FRA10AC1: variants seen among roughly 807,000 people sequenced by gnomAD.
FRA10AC1 encodes the protein protein FRA10AC1.
FRA10AC1 carries 43 observed loss-of-function variants against 56.5 expected under a neutral mutation model. The observed-to-expected ratio is 0.76, with a 90% confidence interval of 0.60 to 0.98. The LOEUF (loss-of-function observed/expected upper bound fraction) is 0.98. Among genes scored for constraint, FRA10AC1 ranks in the 50% least tolerant of loss-of-function variants. The pLI is 0.00. For synonymous variants in FRA10AC1, 112 were observed against 110.5 expected (o/e 1.01, Z -0.09); for missense variants, 346 against 351.8 (o/e 0.98, Z 0.13).
At chr10:93,671,873 T>C (rs1270091992) in intron 12 of FRA10AC1, 2 of 348,260 alleles carry the variant, frequency 5.7e-6, no homozygotes, top group Non-Finnish European at 5.5e-6. Context: ...ATTTTCAAAT[T>C]GTTTGTATTT....
At chr10:93,693,645 C>CAT (rs1209941579) in intron 5 of FRA10AC1, among the ~76,000 whole-genome samples, 3 of 123,982 alleles carry the variant, frequency 2.4e-5, no homozygotes, top group Non-Finnish European at 3.5e-5. Context: ...ATATACACAC[C>CAT]ATATATATAT....
At chr10:93,686,840 A>G (rs962932832) in intron 8 of FRA10AC1, among the ~76,000 whole-genome samples, 1 of 151,932 alleles carries the variant, frequency 6.6e-6, no homozygotes, top group Non-Finnish European at 1.5e-5. Flanking sequence ...CACAATTTCC[A>G]GGAAAAATTT....
upstream of FRA10AC1, among the ~76,000 whole-genome samples, chr10:93,702,795 A>G (rs1323371198): frequency 6.6e-6 from 1 of 151,700 alleles, no homozygotes; most frequent in Admixed American, 6.6e-5. Flanking sequence ...GGAATCCGGC[A>G]TCTAGTACCG....
rs2059305533 is a variant in FRA10AC1, at chr10:93,700,097, G to A, written c.10C>T (p.His4Tyr). MHG[H>Y]GGYDSDFSDD... ...CTAAAATCAGAATCATAGCCTCCAT[G>A]ACCATGCATCTGTAAAGGAGTACAA... is the stretch of plus-strand genomic sequence containing the variant. The change falls in exon 2 of 14, where the codon CAT (histidine) becomes TAT (tyrosine). Residue 4 changes from histidine to tyrosine, a missense_variant. His to Tyr is a moderately conservative substitution (Grantham distance 83, BLOSUM62 2). Transcript: ENST00000359204. 1 of 1,590,058 alleles carries A rather than the reference G, an allele frequency of 6.3e-7. No homozygotes were observed. The highest frequency in any genetic ancestry group is 1.3e-5 in the African/African-American group (1 of 74,420).
At chr10:93,679,125 G>A (rs1205253065) in intron 11 of FRA10AC1, among the ~76,000 whole-genome samples, 1 of 152,080 alleles carries the variant, frequency 6.6e-6, no homozygotes, top group Non-Finnish European at 1.5e-5. Context: ...TAGAAGTTGG[G>A]GGTAAAAAAG....
At position 93,687,410 on chromosome 10, in the gene FRA10AC1, C is replaced by T. The variant is rs756931045; in HGVS notation, c.505G>A (p.Gly169Arg). The T allele has an allele frequency of 6.6e-7, 1 of 1,507,892 alleles. No individual in the cohort carries two copies. The highest frequency in any genetic ancestry group is 1.2e-5 in the South Asian group (1 of 81,954). 93.4% of individuals were successfully genotyped at this position (1,507,892 alleles called of 1,614,324 possible). Residue 169 changes from glycine (G) to arginine (R), a missense_variant, in exon 8 of 14, where the codon GGA (glycine) becomes AGA (arginine). Coordinates refer to ENST00000359204, the MANE Select transcript of FRA10AC1 (RefSeq NM_145246.5). Reference protein sequence around the residue: ...RWRVEKEVISGKGQFFCGNKY... With the variant: ...RWRVEKEVISRKGQFFCGNKY... ...AAAAATTTTAAAGAATTACCTTTTCCTGAAATTACTTCTTTTTCTACTCGC... is the reference window on the plus strand; with the variant it reads ...AAAAATTTTAAAGAATTACCTTTTCTTGAAATTACTTCTTTTTCTACTCGC...
intron 6 of FRA10AC1, 88 bp from the exon 7 acceptor site, chr10:93,692,181 A>C: frequency 1.2e-6 from 1 of 860,992 alleles, no homozygotes; most frequent in Non-Finnish European, 1.7e-6. Flanking sequence ...TACATACTAC[A>C]TAAATATTAA....
intron 4 of FRA10AC1, among the ~76,000 whole-genome samples, chr10:93,695,404 A>G (rs957319876): frequency 3.3e-5 from 5 of 151,838 alleles, no homozygotes; most frequent in African/African-American, 7.2e-5. Context: ...AATTATATTT[A>G]TAATTTATAA....
At chr10:93,691,572 A>G (rs1415521801) in intron 7 of FRA10AC1, among the ~76,000 whole-genome samples, 1 of 152,252 alleles carries the variant, frequency 6.6e-6, no homozygotes, top group East Asian at 1.9e-4. Context: ...TTACTAGAAT[A>G]GACATTTATG....
rs2059133598 is a variant in FRA10AC1 at position 93,692,097 on chromosome 10, G to C, written c.381-4C>G. 6.7e-7 allele frequency: 1 copy of C among 1,487,242 alleles called. No individual in the cohort carries two copies. The highest frequency in any genetic ancestry group is 1.4e-5 in the South Asian group (1 of 69,830). The allele number at this position is 1,487,242 out of a possible 1,614,324, so 92.1% of individuals were successfully genotyped here. Reference sequence around the variant, plus strand: ...TTTCTTAGCAAGTCTCTTCTCCCTAGACCCATGAAAATATAAATATTATAC... The same window carrying C: ...TTTCTTAGCAAGTCTCTTCTCCCTACACCCATGAAAATATAAATATTATAC... On this transcript the variant is annotated splice_region_variant and splice_polypyrimidine_tract_variant and intron_variant, in intron 6 of 13. Transcript: ENST00000359204.
chr10:93,695,816 T>A (rs922015005), intron 4 of FRA10AC1, among the ~76,000 whole-genome samples: 1 of 152,080 alleles, frequency 6.6e-6, no homozygotes, highest in Non-Finnish European at 1.5e-5. Context: ...ACTGGTCACA[T>A]GACCATGGCA....
intron 5 of FRA10AC1, 50 bp downstream of exon 5, chr10:93,694,809 TAA>T (rs940156931): frequency 2.0e-6 from 2 of 1,017,574 alleles, no homozygotes; most frequent in Non-Finnish European, 3.1e-6. Context: ...TGTGGGTCTT[TAA>T]AGTTTCCCAT....
At chr10:93,682,593 G>T (rs1326225) in intron 10 of FRA10AC1, among the ~76,000 whole-genome samples, 6,563 of 152,184 alleles carry the variant, frequency 0.043, 444 homozygotes, top group African/African-American at 0.15. Context: ...TTGAGTCCAG[G>T]AGTTTGAGAC....
chr10:93,669,624 T>C lies in FRA10AC1; in HGVS notation c.*202A>G. ...TTGTAGATAAGCAATTGAAAAGATA[T>C]TTAAAGGACAGGAAAGTCTTTAATT... On this transcript the variant is annotated 3_prime_UTR_variant, in exon 14 of 14. Coordinates refer to ENST00000359204, the MANE Select transcript of FRA10AC1 (RefSeq NM_145246.5). 7.3e-6 allele frequency: 4 copies of C among 546,910 alleles called. No homozygotes were observed. The allele number at this position is 546,910 out of a possible 1,614,324, so 33.9% of individuals were successfully genotyped here. A position where few individuals can be genotyped will look rare whatever the true frequency, so the allele number is the denominator to read the frequency against.
At chr10:93,685,438 G>A in intron 8 of FRA10AC1, 79 bp from the exon 9 acceptor site, 2 of 675,972 alleles carry the variant, frequency 3.0e-6, no homozygotes, top group Non-Finnish European at 5.1e-6. Context: ...CCCCTAAAAT[G>A]TACTTCTAAA....
rs1377396211 is a variant in FRA10AC1, at chr10:93,700,117, G to A, written c.1-11C>T. The A allele has an allele frequency of 4.0e-6, 6 of 1,511,294 alleles. No individual in the cohort carries two copies. The Admixed American group carries it at 1.1e-4, about 27-fold the overall frequency. 93.6% of individuals were successfully genotyped at this position (1,511,294 alleles called of 1,614,324 possible). ...TCCATGACCATGCATCTGTAAAGGA[G>A]TACAAAGTCAGCTATTTAGAATCTA... On this transcript the variant is annotated splice_polypyrimidine_tract_variant and intron_variant, in intron 1 of 13. Coordinates refer to ENST00000359204, the MANE Select transcript of FRA10AC1 (RefSeq NM_145246.5).
At chr10:93,671,191 C>T in intron 12 of FRA10AC1, 1 of 196,318 alleles carries the variant, frequency 5.1e-6, no homozygotes, top group Non-Finnish European at 1.1e-5. Flanking sequence ...TTCTTGGTTA[C>T]ACAGAAGACA....
intron 12 of FRA10AC1, chr10:93,674,935 G>GT (rs1331241450): frequency 1.3e-5 from 2 of 152,158 alleles, no homozygotes; most frequent in African/African-American, 4.8e-5. Context: ...GTTGAAGTAT[G>GT]TATCTATGAT....
At chr10:93,701,586 T>C (rs1368337667) in intron 1 of FRA10AC1, among the ~76,000 whole-genome samples, 1 of 152,154 alleles carries the variant, frequency 6.6e-6, no homozygotes, top group African/African-American at 2.4e-5. Context: ...AAATCCTAGA[T>C]AGGAAGATGC....
Sources: allele counts gnomAD v4.1 joint callset (sites outside exome capture counted in the v4.1 genomes callset), GRCh38; gene constraint gnomAD v4.1.1; transcripts MANE v1.5; gene names NCBI Gene and HGNC (gene_info 2026-07-23, HGNC 2026-07-21).